Variants in PCCA observed in about 807,000 individuals in gnomAD.
PCCA encodes the protein propionyl-CoA carboxylase subunit alpha.
PCCA carries 74 observed loss-of-function variants against 101.3 expected under a neutral mutation model. The observed-to-expected ratio is 0.73, with a 90% CI of 0.61 to 0.89. The LOEUF is 0.89. Ranked by LOEUF, PCCA falls within the 40% of genes least tolerant of loss-of-function variation. PCCA has a pLI of 0.00. For missense variants in PCCA, 891 were observed against 907.0 expected (o/e 0.98, Z 0.23); for synonymous variants, 294 against 313.6 (o/e 0.94, Z 0.66).
Position 100,262,716 on chromosome 13 carries a change from C to T in PCCA, c.717-13C>T, listed in dbSNP as rs1164524306. ...TCTCCCCCCCTCCTCCTTCTTCCTT[C>T]TTTTTTTCACAGGGATGGTTTTAGA... On this transcript the variant is annotated splice_polypyrimidine_tract_variant and intron_variant, in intron 9 of 23. Transcript: ENST00000376285. The T allele has an allele frequency of 2.0e-6, 2 of 1,018,716 alleles. No individual in the cohort carries two copies. 63.1% of individuals were successfully genotyped at this position (1,018,716 alleles called of 1,614,324 possible). A position where few individuals can be genotyped will look rare whatever the true frequency, so the allele number is the denominator to read the frequency against.
intron 16 of PCCA, among the ~76,000 whole-genome samples, chr13:100,313,698 A>G (rs367625972): frequency 6.6e-6 from 1 of 152,212 alleles, no homozygotes; most frequent in East Asian, 1.9e-4. Flanking sequence ...GTTAAAGTAT[A>G]AATTAAATTC....
intron 12 of PCCA, among the ~76,000 whole-genome samples, chr13:100,284,638 C>A (rs1251825739): frequency 2.0e-5 from 3 of 152,190 alleles, no homozygotes; most frequent in Non-Finnish European, 4.4e-5. Flanking sequence ...GGCAGTAATT[C>A]CACTATATCC....
rs530745413 is a variant in PCCA, at chr13:100,489,378, G to A, written c.1900-26049G>A. Among the ~76,000 whole-genome samples the A allele has an allele frequency of 4.6e-5, 7 of 152,332 alleles. No individual in the cohort carries two copies. The South Asian group carries it at 6.2e-4, about 14-fold the overall frequency. On this transcript the variant is annotated intron_variant, in intron 21 of 23. Coordinates refer to ENST00000376285, the MANE Select transcript of PCCA (RefSeq NM_000282.4). ...ATGTACTGTCAGTGGCTGCTTTCAC[G>A]TGACTGAAGCGGAACTGACAGTGTA...
In PCCA at chr13:100,163,991, A is replaced by C. The variant is rs370891421; in HGVS notation, c.468+6651A>C. On this transcript the variant is annotated intron_variant, in intron 6 of 23. Transcript: ENST00000376285. ...AGTAAAATGTAGAAATTTTGCGATC[A>C]TATAGTCCATCCTCCTTCTCTTCCC... 8.2e-5 allele frequency among the ~76,000 whole-genome samples: 7 copies of C among 85,506 alleles called. No individual in the cohort carries two copies. The East Asian group carries it at 2.2e-3, about 27-fold the overall frequency. 56.1% of individuals were successfully genotyped at this position (85,506 alleles called of 152,430 possible). A position where few individuals can be genotyped will look rare whatever the true frequency, so the allele number is the denominator to read the frequency against.
chr13:100,204,010 T>C (rs1290560317), intron 6 of PCCA, among the ~76,000 whole-genome samples: 1 of 152,232 alleles, frequency 6.6e-6, no homozygotes, highest in Non-Finnish European at 1.5e-5. Context: ...TCTCATGTGC[T>C]AACTTCCTGA....
At chr13:100,221,186 TG>T (rs1445457610) in intron 7 of PCCA, among the ~76,000 whole-genome samples, 1 of 152,238 alleles carries the variant, frequency 6.6e-6, no homozygotes, top group African/African-American at 2.4e-5. Flanking sequence ...ATTAGTAATA[TG>T]GGAGGTTTCT....
At chr13:100,416,402 G>T (rs1303971429) in intron 19 of PCCA, among the ~76,000 whole-genome samples, 1 of 151,386 alleles carries the variant, frequency 6.6e-6, no homozygotes, top group African/African-American at 2.4e-5. Context: ...GGCTAGTCTC[G>T]AACTGTTGAC....
At chr13:100,330,798 T>TG in intron 17 of PCCA, 127 bp downstream of exon 17, 2 of 661,662 alleles carry the variant, frequency 3.0e-6, no homozygotes, top group South Asian at 3.4e-5. Context: ...TTTTAGAACA[T>TG]GCAAGACTGT....
chr13:100,273,431 A>C, intron 12 of PCCA, 85 bp downstream of exon 12: 2 of 1,056,594 alleles, frequency 1.9e-6, no homozygotes, highest in African/African-American at 1.6e-5. Context: ...TAAATGTTAA[A>C]AAATTAACTC....
chr13:100,466,664 C>G (rs1262098056), intron 21 of PCCA, among the ~76,000 whole-genome samples: 1 of 152,132 alleles, frequency 6.6e-6, no homozygotes, highest in East Asian at 1.9e-4. Context: ...TTGAGACCAG[C>G]CTGGCCAACA....
intron 1 of PCCA, among the ~76,000 whole-genome samples, chr13:100,091,314 G>A (rs2046261130): frequency 2.0e-5 from 3 of 152,318 alleles, no homozygotes; most frequent in East Asian, 1.9e-4. Context: ...TAATACATAC[G>A]CTTTGATGAT....
At chr13:100,313,258 G>A (rs887146861) in intron 16 of PCCA, among the ~76,000 whole-genome samples, 1 of 152,120 alleles carries the variant, frequency 6.6e-6, no homozygotes, top group African/African-American at 2.4e-5. Flanking sequence ...GGAAGACCAT[G>A]TTCCTGTAAC....
intron 6 of PCCA, among the ~76,000 whole-genome samples, chr13:100,188,187 G>A (rs1026317090): frequency 1.3e-5 from 2 of 152,214 alleles, no homozygotes; most frequent in African/African-American, 4.8e-5. Context: ...CAGCTACTTG[G>A]GAGGCTGAGG....
At chr13:100,520,608 C>A (rs1401912352) in intron 22 of PCCA, among the ~76,000 whole-genome samples, 2 of 121,644 alleles carry the variant, frequency 1.6e-5, no homozygotes, top group Middle Eastern at 7.5e-3. Flanking sequence ...GCACTCCAGC[C>A]TGGGCGACAG....
intron 10 of PCCA, among the ~76,000 whole-genome samples, chr13:100,267,737 T>C (rs979143909): frequency 6.6e-6 from 1 of 152,252 alleles, no homozygotes; most frequent in African/African-American, 2.4e-5. Context: ...GAGCTGCTTT[T>C]GAGTTTCCAG....
chr13:100,451,168 G>A (rs567719380), intron 21 of PCCA, among the ~76,000 whole-genome samples: 1 of 152,190 alleles, frequency 6.6e-6, no homozygotes, highest in Non-Finnish European at 1.5e-5. Context: ...CCCACCCACT[G>A]TGGAGGGTGA....
chr13:100,291,731 A>G (rs1048585931), intron 12 of PCCA, among the ~76,000 whole-genome samples: 1 of 152,172 alleles, frequency 6.6e-6, no homozygotes, highest in East Asian at 1.9e-4. Context: ...GTCTCCTAGC[A>G]TTCTCATCTC....
At chr13:100,176,415 TTTTAAG>T (rs1182247325) in intron 6 of PCCA, among the ~76,000 whole-genome samples, 2 of 152,240 alleles carry the variant, frequency 1.3e-5, no homozygotes, top group African/African-American at 4.8e-5. Flanking sequence ...TCTTTATACA[TTTTAAG>T]TTTAATTATT....
intron 19 of PCCA, among the ~76,000 whole-genome samples, chr13:100,407,726 T>C (rs530964218): frequency 2.6e-4 from 39 of 152,354 alleles, no homozygotes; most frequent in Non-Finnish European, 1.3e-4. Context: ...CAAAAATTTA[T>C]ATTTCCATGC....
Sources: allele counts gnomAD v4.1 joint callset (sites outside exome capture counted in the v4.1 genomes callset), GRCh38; gene constraint gnomAD v4.1.1; transcripts MANE v1.5; gene names NCBI Gene and HGNC (gene_info 2026-07-23, HGNC 2026-07-21).